The following TTC7B variants were observed in gnomAD, a reference collection of about 807,000 sequenced individuals.
The protein encoded by TTC7B is tetratricopeptide repeat domain 7B.
In TTC7B, 28 loss-of-function variants were observed where a neutral mutation model predicts 106.8. The observed-to-expected ratio is 0.26, with a 90% CI of 0.19 to 0.36. The LOEUF (loss-of-function observed/expected upper bound fraction) is 0.36, where lower values mean the gene tolerates loss of function less well. TTC7B is among the 10% of genes least tolerant of loss of function. TTC7B has a pLI of 1.00. For synonymous variants in TTC7B, 405 were observed against 430.6 expected, an observed-to-expected ratio of 0.94 and a Z score of 0.74; for missense variants, 862 against 1,076.4, an observed-to-expected ratio of 0.80 and a Z score of 2.79.
At chr14:90,810,949 C>T (rs2030867392) in intron 1 of TTC7B, among the ~76,000 whole-genome samples, 1 of 152,042 alleles carries the variant, frequency 6.6e-6, no homozygotes, top group Non-Finnish European at 1.5e-5. Context: ...CGAGGGAAGT[C>T]GGGGGAATGA....
chr14:90,789,067 A>T (rs2140043788), intron 1 of TTC7B, among the ~76,000 whole-genome samples: 1 of 152,326 alleles, frequency 6.6e-6, no homozygotes, highest in Non-Finnish European at 1.5e-5. Flanking sequence ...CAATAGAAAT[A>T]TATGCAAGCC....
intron 3 of TTC7B, among the ~76,000 whole-genome samples, chr14:90,773,562 C>T (rs1890930541): frequency 1.3e-5 from 2 of 152,162 alleles, no homozygotes; most frequent in African/African-American, 4.8e-5. Flanking sequence ...GGTAAATCAC[C>T]ACGCACCATG....
At chr14:90,773,752 C>T (rs1890937452) in intron 3 of TTC7B, among the ~76,000 whole-genome samples, 1 of 152,162 alleles carries the variant, frequency 6.6e-6, no homozygotes, top group Non-Finnish European at 1.5e-5. Flanking sequence ...CAAAACAGAC[C>T]GAGTCTTTCT....
chr14:90,743,587 T>C (rs1889849719), intron 4 of TTC7B, among the ~76,000 whole-genome samples: 1 of 152,174 alleles, frequency 6.6e-6, no homozygotes, highest in Admixed American at 6.5e-5. Flanking sequence ...GCAGTGTCCT[T>C]GGTGAGAACT....
intron 5 of TTC7B, among the ~76,000 whole-genome samples, chr14:90,718,426 G>A (rs1290066826): frequency 1.3e-5 from 2 of 152,196 alleles, no homozygotes; most frequent in Non-Finnish European, 2.9e-5. Context: ...AGAAAGCAGA[G>A]GTCTCTATGA....
intron 16 of TTC7B, among the ~76,000 whole-genome samples, chr14:90,613,365 C>T (rs1182066758): frequency 1.3e-5 from 2 of 152,122 alleles, no homozygotes; most frequent in East Asian, 3.9e-4. Flanking sequence ...GGCACTCCAG[C>T]CTGGGCGACA....
At chr14:90,777,172 G>A (rs1032138129) in intron 3 of TTC7B, among the ~76,000 whole-genome samples, 5 of 152,190 alleles carry the variant, frequency 3.3e-5, no homozygotes, top group Admixed American at 1.3e-4. Context: ...CCTGGGAAGC[G>A]GAGGTTGCAG....
Position 90,718,833 on chromosome 14 carries a change from C to T in TTC7B, c.698+11242G>A, listed in dbSNP as rs556335669. Among the ~76,000 whole-genome samples, 15 of 73,722 alleles carry T rather than the reference C, an allele frequency of 2.0e-4. 1 individual carries two copies. The highest frequency in any genetic ancestry group is 7.2e-4 in the South Asian group (2 of 2,796). 48.4% of individuals were successfully genotyped at this position (73,722 alleles called of 152,430 possible). A position where few individuals can be genotyped will look rare whatever the true frequency, so the allele number is the denominator to read the frequency against. On this transcript the variant is annotated intron_variant, in intron 5 of 19. Transcript: ENST00000328459. Reference sequence around the variant, plus strand: ...GCATACAGGTACAGATCTGTTCCCACGCAAAATTGACCAAAATTCCTGCCC... The same window carrying T: ...GCATACAGGTACAGATCTGTTCCCATGCAAAATTGACCAAAATTCCTGCCC...
chr14:90,581,783 G>C (rs1050738464), intron 18 of TTC7B, among the ~76,000 whole-genome samples: 1 of 152,152 alleles, frequency 6.6e-6, no homozygotes, highest in Non-Finnish European at 1.5e-5. Context: ...GCTCTCCAGG[G>C]GTCCTCCATG....
chr14:90,555,513 C>A (rs1033181749), intron 19 of TTC7B, among the ~76,000 whole-genome samples: 3 of 152,156 alleles, frequency 2.0e-5, no homozygotes, highest in African/African-American at 7.2e-5. Context: ...AAAAGCAGAC[C>A]CTTCACAGTC....
At chr14:90,647,154 T>G in intron 13 of TTC7B, 131 bp from the exon 14 acceptor site, 3 of 729,260 alleles carry the variant, frequency 4.1e-6, no homozygotes, top group Non-Finnish European at 7.2e-6. Flanking sequence ...TAATGCTTCA[T>G]TTAAACTCTT....
In TTC7B at chr14:90,816,076, GC is replaced by G. The variant is rs1011964066; in HGVS notation, c.121+98del. 4 of 976,624 alleles carry G rather than the reference GC, an allele frequency of 4.1e-6. No homozygotes were observed. In the African/African-American group the frequency reaches 7.1e-5, roughly 17 times the overall value. The allele number at this position is 976,624 out of a possible 1,614,324, so 60.5% of individuals were successfully genotyped here. A position where few individuals can be genotyped will look rare whatever the true frequency, so the allele number is the denominator to read the frequency against. On this transcript the variant is annotated intron_variant, in intron 1 of 19. Coordinates refer to ENST00000328459, the MANE Select transcript of TTC7B (RefSeq NM_001010854.2). ...CGCAGCTCCCTCGCGGCCCGGCCGC[GC>G]CCCTGCCCGCGCCCCGCGCCCGGCC...
chr14:90,605,101 C>T (rs1192489031), intron 17 of TTC7B, among the ~76,000 whole-genome samples: 1 of 152,162 alleles, frequency 6.6e-6, no homozygotes, highest in Non-Finnish European at 1.5e-5. Context: ...AGGGGATCCG[C>T]TGCTTTAAAG....
At chr14:90,588,356 A>T (rs1891807371) in intron 18 of TTC7B, among the ~76,000 whole-genome samples, 1 of 152,208 alleles carries the variant, frequency 6.6e-6, no homozygotes, top group Admixed American at 6.5e-5. Context: ...AGAGGTGCCA[A>T]AGTGAAAGCT....
chr14:90,649,322 G>A (rs539361834), intron 13 of TTC7B, among the ~76,000 whole-genome samples: 9 of 152,304 alleles, frequency 5.9e-5, no homozygotes, highest in African/African-American at 2.2e-4. Context: ...AACAAAACAA[G>A]AAAAAGCTCC....
intron 19 of TTC7B, among the ~76,000 whole-genome samples, chr14:90,541,906 G>A (rs1008642448): frequency 8.5e-5 from 13 of 152,194 alleles, no homozygotes; most frequent in African/African-American, 1.7e-4. Context: ...GACCCAGCGC[G>A]GCGTCAGCAT....
At chr14:90,589,799 G>A (rs1157647148) in intron 18 of TTC7B, among the ~76,000 whole-genome samples, 2 of 152,122 alleles carry the variant, frequency 1.3e-5, no homozygotes, top group African/African-American at 4.8e-5. Context: ...AAGCAAAATC[G>A]TTGCTTTGAA....
chr14:90,573,895 G>A (rs146183541), intron 19 of TTC7B, among the ~76,000 whole-genome samples: 48 of 152,250 alleles, frequency 3.2e-4, no homozygotes, highest in Admixed American at 2.3e-3. Context: ...TCCCCTCCAC[G>A]CAACCTTCTT....
chr14:90,789,168 C>T (rs1365579262), intron 1 of TTC7B, among the ~76,000 whole-genome samples: 2 of 152,146 alleles, frequency 1.3e-5, no homozygotes, highest in Non-Finnish European at 2.9e-5. Flanking sequence ...ATGGCACAAT[C>T]TCAGCTCACT....
Sources: gnomAD v4.1 joint callset for allele counts (sites outside exome capture counted in the v4.1 genomes callset) on GRCh38, gnomAD v4.1.1 for gene constraint, MANE v1.5 for transcripts, NCBI Gene and HGNC (gene_info 2026-07-23, HGNC 2026-07-21) for gene names.